NRG1: variants seen among roughly 807,000 people sequenced by gnomAD.
NRG1 encodes the protein pro-neuregulin-1, membrane-bound isoform.
Under a neutral mutation model 63.8 loss-of-function variants are expected in NRG1, and 18 were observed. The observed-to-expected ratio is 0.28, with a 90% CI of 0.19 to 0.42. The LOEUF (loss-of-function observed/expected upper bound fraction) is 0.42. Ranked by LOEUF, NRG1 falls within the 10% of genes least tolerant of loss-of-function variation. The probability of loss-of-function intolerance (pLI) is 1.00; values close to 1 mark genes in which losing one functional copy is unlikely to be tolerated. For synonymous variants in NRG1, 302 were observed against 301.3 expected (o/e 1.00, Z -0.02); for missense variants, 762 against 814.7 (o/e 0.94, Z 0.79).
intron 1 of NRG1, among the ~76,000 whole-genome samples, chr8:32,361,843 C>T (rs1267825828): frequency 1.3e-5 from 2 of 152,188 alleles, no homozygotes; most frequent in East Asian, 1.9e-4. Flanking sequence ...TCATCTCAAG[C>T]TTCTCTTCCC....
chr8:32,211,278 G>A (rs1844680593), intron 1 of NRG1, among the ~76,000 whole-genome samples: 3 of 152,142 alleles, frequency 2.0e-5, no homozygotes, highest in Admixed American at 1.3e-4. Flanking sequence ...TGCAAGTCAT[G>A]TCATAGCATG....
At chr8:32,606,010 T>C (rs1220056807) in intron 3 of NRG1, among the ~76,000 whole-genome samples, 1 of 151,556 alleles carries the variant, frequency 6.6e-6, no homozygotes, top group Non-Finnish European at 1.5e-5. Context: ...TTTGGCTCTC[T>C]GAACAACAGA....
At chr8:32,438,371 G>A (rs950102464) in intron 1 of NRG1, among the ~76,000 whole-genome samples, 1 of 152,096 alleles carries the variant, frequency 6.6e-6, no homozygotes, top group African/African-American at 2.4e-5. Flanking sequence ...TGTACTAGTA[G>A]TTCATTCTTT....
intron 5 of NRG1, among the ~76,000 whole-genome samples, chr8:32,700,143 G>GA (rs1814465644): frequency 6.6e-6 from 1 of 151,940 alleles, no homozygotes; most frequent in African/African-American, 2.4e-5. Flanking sequence ...CAGATGTTCT[G>GA]ATTAAAACTC....
intron 1 of NRG1, among the ~76,000 whole-genome samples, chr8:32,230,566 G>A (rs1846815797): frequency 6.6e-6 from 1 of 152,058 alleles, no homozygotes; most frequent in South Asian, 2.1e-4. Context: ...GCAGAGAAAA[G>A]TCAATAAATC....
intron 5 of NRG1, among the ~76,000 whole-genome samples, chr8:32,654,096 C>T (rs991306763): frequency 1.3e-5 from 2 of 152,094 alleles, no homozygotes; most frequent in Admixed American, 6.5e-5. Flanking sequence ...AAAGGCAGGT[C>T]TGGAAAAGTG....
intron 1 of NRG1, among the ~76,000 whole-genome samples, chr8:32,592,813 C>T (rs1842747380): frequency 1.3e-5 from 2 of 152,084 alleles, no homozygotes; most frequent in South Asian, 4.2e-4. Flanking sequence ...ACAATGTAGG[C>T]ATTAGGGGTG....
chr8:32,215,887 C>A (rs1845172440), intron 1 of NRG1, among the ~76,000 whole-genome samples: 3 of 151,830 alleles, frequency 2.0e-5, no homozygotes, highest in Non-Finnish European at 4.4e-5. Flanking sequence ...ACTAAAAATA[C>A]AAAAACTAGC....
At chr8:32,025,928 A>T (rs1314689223) in intron 1 of NRG1, among the ~76,000 whole-genome samples, 1 of 141,116 alleles carries the variant, frequency 7.1e-6, no homozygotes, top group African/African-American at 2.6e-5. Context: ...CCTGGCCGAG[A>T]GAGCGAGACT....
intron 3 of NRG1, among the ~76,000 whole-genome samples, chr8:32,610,984 G>A (rs1347714164): frequency 4.6e-5 from 7 of 152,070 alleles, no homozygotes; most frequent in African/African-American, 1.7e-4. Context: ...CTGTATATAG[G>A]AAACCTTGAC....
chr8:32,066,106 A>T (rs752629479), intron 1 of NRG1, among the ~76,000 whole-genome samples: 12 of 152,210 alleles, frequency 7.9e-5, no homozygotes, highest in Non-Finnish European at 1.8e-4. Flanking sequence ...AGATGAATAG[A>T]TTGCAAAAAT....
In NRG1 at chr8:32,333,472, A is replaced by G. The variant is rs549694050; in HGVS notation, c.38-262356A>G. Among the ~76,000 whole-genome samples the G allele has an allele frequency of 6.6e-4, 101 of 152,292 alleles. 1 individual carries two copies. The highest frequency in any genetic ancestry group is 2.3e-3 in the African/African-American group (97 of 41,592). On this transcript the variant is annotated intron_variant, in intron 1 of 10. Coordinates refer to the NRG1 transcript ENST00000519301. ...ATGGGCATAATGGGATCCCTTGAAT[A>G]AATATTTGTAAAACATGGATGGAAG...
chr8:31,657,678 A>G (rs914744437), intron 1 of NRG1, among the ~76,000 whole-genome samples: 3 of 152,176 alleles, frequency 2.0e-5, no homozygotes, highest in South Asian at 4.1e-4. Context: ...GAGAATTAGA[A>G]TTTACTGAGT....
At chr8:32,472,119 G>A (rs1823922942) in intron 1 of NRG1, among the ~76,000 whole-genome samples, 3 of 152,310 alleles carry the variant, frequency 2.0e-5, no homozygotes, top group South Asian at 2.1e-4. Flanking sequence ...CAAAACTGGT[G>A]TAGGGAGAGG....
At chr8:31,833,660 C>A (rs772471998) in intron 1 of NRG1, among the ~76,000 whole-genome samples, 1 of 152,110 alleles carries the variant, frequency 6.6e-6, no homozygotes, top group Non-Finnish European at 1.5e-5. Flanking sequence ...GGGTATGTCC[C>A]TGCTTGTTTG....
intron 1 of NRG1, among the ~76,000 whole-genome samples, chr8:32,577,035 G>C (rs1256278662): frequency 6.6e-6 from 1 of 152,154 alleles, no homozygotes; most frequent in African/African-American, 2.4e-5. Context: ...ATGAGTATTT[G>C]ATGTTTAGCT....
intron 5 of NRG1, chr8:32,647,913 C>T: frequency 6.2e-7 from 1 of 1,614,120 alleles, no homozygotes; most frequent in Non-Finnish European, 8.5e-7. Flanking sequence ...AGAAGCTGAG[C>T]GCCTGAGAGG....
chr8:31,705,983 G>T (rs1440433112), intron 1 of NRG1, among the ~76,000 whole-genome samples: 1 of 152,168 alleles, frequency 6.6e-6, no homozygotes, highest in Non-Finnish European at 1.5e-5. Context: ...GCTAAATTTG[G>T]TTTAAAATAT....
At chr8:31,845,710 A>T (rs867465527) in intron 1 of NRG1, among the ~76,000 whole-genome samples, 3 of 152,334 alleles carry the variant, frequency 2.0e-5, no homozygotes, top group South Asian at 4.1e-4. Context: ...GCAAGTTAGC[A>T]TGTGTTGCAT....
Sources: allele counts gnomAD v4.1 joint callset (sites outside exome capture counted in the v4.1 genomes callset), GRCh38; gene constraint gnomAD v4.1.1; transcripts MANE v1.5; gene names NCBI Gene and HGNC (gene_info 2026-07-23, HGNC 2026-07-21).